PTPN14: variants seen among roughly 807,000 people sequenced by gnomAD.
PTPN14 encodes protein tyrosine phosphatase non-receptor type 14, also known as tyrosine-protein phosphatase non-receptor type 14.
In PTPN14, 53 loss-of-function variants were observed where a neutral mutation model predicts 126.8. The observed-to-expected ratio is 0.42, with a 90% confidence interval of 0.34 to 0.53. The LOEUF (loss-of-function observed/expected upper bound fraction) is 0.53. PTPN14 is among the 20% of genes least tolerant of loss of function. The pLI, the probability that PTPN14 is intolerant of heterozygous loss-of-function variation, is 0.08. For missense variants in PTPN14, 1,257 were observed against 1,552.9 expected (o/e 0.81, Z 3.20); for synonymous variants, 630 against 599.3 (o/e 1.05, Z -0.75).
intron 2 of PTPN14, among the ~76,000 whole-genome samples, chr1:214,462,132 T>C (rs1660526740): frequency 6.6e-6 from 1 of 152,114 alleles, no homozygotes; most frequent in South Asian, 2.1e-4. Context: ...AAAAAGAAAG[T>C]GATTTGGTCG....
At chr1:214,397,315 AAC>A (rs1289937263) in intron 8 of PTPN14, among the ~76,000 whole-genome samples, 1 of 152,188 alleles carries the variant, frequency 6.6e-6, no homozygotes, top group Non-Finnish European at 1.5e-5. Flanking sequence ...TGAAAGCTAG[AAC>A]ACAGTTTTTC....
intron 3 of PTPN14, among the ~76,000 whole-genome samples, chr1:214,443,509 A>C (rs1660078969): frequency 6.6e-6 from 1 of 152,136 alleles, no homozygotes; most frequent in African/African-American, 2.4e-5. Context: ...CACCCATAAC[A>C]GTAGATTCAA....
intron 1 of PTPN14, among the ~76,000 whole-genome samples, chr1:214,525,410 C>G (rs1655364566): frequency 6.6e-6 from 1 of 152,080 alleles, no homozygotes; most frequent in African/African-American, 2.4e-5. Context: ...CGTTATAGTC[C>G]CATTTCTCAT....
chr1:214,468,114 T>C (rs1056082812), intron 1 of PTPN14, among the ~76,000 whole-genome samples: 3 of 152,214 alleles, frequency 2.0e-5, no homozygotes, highest in African/African-American at 7.2e-5. Context: ...ATGATATTAA[T>C]GTATTTTTAT....
At chr1:214,548,635 GA>G (rs553531912) in intron 1 of PTPN14, among the ~76,000 whole-genome samples, 1 of 152,132 alleles carries the variant, frequency 6.6e-6, no homozygotes, top group Non-Finnish European at 1.5e-5. Context: ...AAAATGACAA[GA>G]ATATGGAACC....
chr1:214,518,452 T>G (rs1187189212), intron 1 of PTPN14, among the ~76,000 whole-genome samples: 1 of 152,246 alleles, frequency 6.6e-6, no homozygotes, highest in Non-Finnish European at 1.5e-5. Flanking sequence ...TTACATAAAC[T>G]ATTCCAAATA....
chr1:214,519,743 C>A (rs80162029), intron 1 of PTPN14, among the ~76,000 whole-genome samples: 4,976 of 152,024 alleles, frequency 0.033, 284 homozygotes, highest in East Asian at 0.26. Context: ...CCCATGAAAT[C>A]TTTTATTCAA....
chr1:214,531,629 T>A (rs1655552381), intron 1 of PTPN14: 1 of 152,216 alleles, frequency 6.6e-6, no homozygotes, highest in African/African-American at 2.4e-5. Context: ...GCCCCTGCTG[T>A]GAAGTCTCAG....
At chr1:214,505,786 C>T (rs1654826450) in intron 1 of PTPN14, among the ~76,000 whole-genome samples, 1 of 152,120 alleles carries the variant, frequency 6.6e-6, no homozygotes, top group African/African-American at 2.4e-5. Context: ...GTCCCAGCTA[C>T]TGGGGAGGCT....
intron 17 of PTPN14, among the ~76,000 whole-genome samples, chr1:214,367,905 C>T (rs567520837): frequency 3.1e-4 from 47 of 152,306 alleles, no homozygotes; most frequent in African/African-American, 1.1e-3. Flanking sequence ...GTGCCTGGCA[C>T]GTAGTGGGTA....
At chr1:214,464,000 G>C (rs913162721) in intron 2 of PTPN14, among the ~76,000 whole-genome samples, 1 of 152,148 alleles carries the variant, frequency 6.6e-6, no homozygotes, top group Non-Finnish European at 1.5e-5. Flanking sequence ...TCTAAAGAGT[G>C]ATAGCATGAC....
At position 214,354,376 on chromosome 1, in the gene PTPN14, C is replaced by T. The variant is rs1386077083; in HGVS notation, c.*3546G>A. On this transcript the variant is annotated 3_prime_UTR_variant, in exon 19 of 19. Coordinates refer to ENST00000366956, the MANE Select transcript of PTPN14 (RefSeq NM_005401.5). ...TATTGCAGCTCATTCATCTTTACTCCTATGTAATCAATGTTTAACATCCTT... is the reference window on the plus strand; with the variant it reads ...TATTGCAGCTCATTCATCTTTACTCTTATGTAATCAATGTTTAACATCCTT... 9 of 152,226 alleles carry T rather than the reference C, an allele frequency of 5.9e-5. No homozygotes were observed. In the South Asian group the frequency reaches 1.7e-3, roughly 28 times the overall value. 9.4% of individuals were successfully genotyped at this position (152,226 alleles called of 1,614,324 possible).
intron 1 of PTPN14, among the ~76,000 whole-genome samples, chr1:214,488,070 G>T (rs1661154643): frequency 1.3e-5 from 2 of 152,126 alleles, no homozygotes; most frequent in African/African-American, 2.4e-5. Context: ...AACAGTGAAT[G>T]GCACAAGGGA....
chr1:214,406,327 A>G (rs528281008), intron 5 of PTPN14, among the ~76,000 whole-genome samples: 3 of 151,990 alleles, frequency 2.0e-5, no homozygotes, highest in Non-Finnish European at 4.4e-5. Flanking sequence ...AAAATACAAA[A>G]ATTAGCCAGG....
intron 3 of PTPN14, among the ~76,000 whole-genome samples, chr1:214,426,770 T>C (rs956340409): frequency 6.6e-6 from 1 of 152,132 alleles, no homozygotes; most frequent in Non-Finnish European, 1.5e-5. Context: ...TAGGAGCGCA[T>C]TAAATGTCTC....
chr1:214,533,154 G>A (rs1655597664), intron 1 of PTPN14: 2 of 757,852 alleles, frequency 2.6e-6, no homozygotes, highest in East Asian at 2.7e-5. Context: ...GCCTGAGGGA[G>A]GTGGAGGTCC....
chr1:214,514,075 C>A (rs556786522), intron 1 of PTPN14, among the ~76,000 whole-genome samples: 1 of 152,072 alleles, frequency 6.6e-6, no homozygotes, highest in African/African-American at 2.4e-5. Context: ...CTCTCCTTGT[C>A]TTTTTTTAAA....
intron 1 of PTPN14, among the ~76,000 whole-genome samples, chr1:214,486,420 A>T (rs1167828914): frequency 1.3e-5 from 2 of 152,184 alleles, no homozygotes; most frequent in African/African-American, 4.8e-5. Context: ...TTAAAGTATG[A>T]GCCTTTATTG....
chr1:214,408,106 C>T (rs141161664), intron 5 of PTPN14, among the ~76,000 whole-genome samples: 7 of 152,264 alleles, frequency 4.6e-5, no homozygotes, highest in African/African-American at 1.7e-4. Flanking sequence ...GTGACCTCTC[C>T]CCATATAAAA....
Sources: gnomAD v4.1 joint callset for allele counts (sites outside exome capture counted in the v4.1 genomes callset) on GRCh38, gnomAD v4.1.1 for gene constraint, MANE v1.5 for transcripts, NCBI Gene and HGNC (gene_info 2026-07-23, HGNC 2026-07-21) for gene names.